Variants in SPG11 observed in about 807,000 individuals in gnomAD.
SPG11 encodes the protein spatacsin.
Under a neutral mutation model 274.0 loss-of-function variants are expected in SPG11, and 222 were observed. The ratio of observed to expected loss-of-function variants is 0.81; its 90% CI spans 0.73 to 0.91. SPG11 has a LOEUF of 0.91. Ranked by LOEUF, SPG11 falls within the 40% of genes least tolerant of loss-of-function variation. The pLI, the probability that SPG11 is intolerant of heterozygous loss-of-function variation, is 0.00. For synonymous variants in SPG11, 1,144 were observed against 1,039.7 expected (o/e 1.10, Z -1.93); for missense variants, 3,114 against 2,872.7 (o/e 1.08, Z -1.92).
chr15:44,634,190 A>G (rs916308352), intron 7 of SPG11, among the ~76,000 whole-genome samples: 3 of 152,156 alleles, frequency 2.0e-5, no homozygotes, highest in Non-Finnish European at 2.9e-5. Context: ...AAACCTTTTC[A>G]GCTCTACCAT....
intron 17 of SPG11, among the ~76,000 whole-genome samples, chr15:44,612,998 C>T (rs1390761766): frequency 6.6e-6 from 1 of 152,174 alleles, no homozygotes; most frequent in African/African-American, 2.4e-5. Context: ...AGCTCCACTG[C>T]AGAGGACACA....
At chr15:44,589,524 G>C (rs1399000720) in intron 27 of SPG11, 110 bp from the exon 28 acceptor site, 1 of 1,317,642 alleles carries the variant, frequency 7.6e-7, no homozygotes, top group East Asian at 2.4e-5. Context: ...AAAAGCCATC[G>C]CCTGTCATGA....
chr15:44,624,770 T>C (rs1595893737), intron 11 of SPG11, among the ~76,000 whole-genome samples: 2 of 152,204 alleles, frequency 1.3e-5, no homozygotes, highest in Non-Finnish European at 2.9e-5. Context: ...CAAAACATCA[T>C]ATTGTATACC....
At position 44,574,220 on chromosome 15, in the gene SPG11, T is replaced by A. The variant is rs532891594; in HGVS notation, c.6007-475A>T. On this transcript the variant is annotated intron_variant, in intron 31 of 39. Transcript: ENST00000261866. The stretch of plus-strand genomic sequence containing the variant: ...GGTTTCTCCATGTTGGTCAGGCTGG[T>A]CTCAAACTCCTGCCCTCAAGTAATC... Among the ~76,000 whole-genome samples, 14 of 152,342 alleles carry A rather than the reference T, an allele frequency of 9.2e-5. No individual in the cohort carries two copies. In the East Asian group the frequency reaches 2.7e-3, roughly 29 times the overall value.
chr15:44,646,178 C>T (rs748099630), intron 7 of SPG11, among the ~76,000 whole-genome samples: 1 of 152,162 alleles, frequency 6.6e-6, no homozygotes, highest in African/African-American at 2.4e-5. Context: ...CATACATGCA[C>T]ACATATATTC....
intron 17 of SPG11, among the ~76,000 whole-genome samples, chr15:44,611,781 T>C (rs954769480): frequency 2.0e-5 from 3 of 151,714 alleles, no homozygotes; most frequent in Non-Finnish European, 4.4e-5. Context: ...CAATGAAATA[T>C]TATGTAAACA....
In SPG11 at chr15:44,598,641, T is replaced by C. The variant is rs2083105150; in HGVS notation, c.3882A>G (p.Arg1294=). ...RNEDAQYSFI[R]ESVAEKLSKL... ...TAAAAGGTGCTGTACCTACAGACTC[T>C]CTGATAAAGCTGTACTGAGCATCTT... Residue 1294 remains arginine (R), a synonymous_variant, in exon 22 of 40, where the codon AGA becomes AGG. Coordinates refer to ENST00000261866, the MANE Select transcript of SPG11 (RefSeq NM_025137.4). The C allele has an allele frequency of 6.2e-6, 10 of 1,614,202 alleles. No individual in the cohort carries two copies. In the East Asian group the frequency reaches 2.2e-4, roughly 36 times the overall value.
At position 44,609,178 on chromosome 15, in the gene SPG11, C is replaced by A. The variant is rs200753439; in HGVS notation, c.3292-573G>T. 5.9e-5 allele frequency among the ~76,000 whole-genome samples: 9 copies of A among 152,214 alleles called. No individual in the cohort carries two copies. The East Asian group carries it at 1.2e-3, about 20-fold the overall frequency. The stretch of plus-strand genomic sequence containing the variant: ...CGGAGTCTCACTCTGTGGGCCCAGG[C>A]TGGAGTGCAATGGCGCGATCTCGGC... On this transcript the variant is annotated intron_variant, in intron 18 of 39. Transcript: ENST00000261866.
chr15:44,633,970 T>C (rs1238734752), intron 7 of SPG11, among the ~76,000 whole-genome samples: 1 of 151,998 alleles, frequency 6.6e-6, no homozygotes, highest in Non-Finnish European at 1.5e-5. Context: ...TCCCAAGTAG[T>C]TCGGATTACA....
chr15:44,607,142 C>A (rs2083341583), intron 19 of SPG11, among the ~76,000 whole-genome samples: 1 of 152,192 alleles, frequency 6.6e-6, no homozygotes, highest in Admixed American at 6.6e-5. Context: ...AGGGACACAG[C>A]AGATATATAT....
At chr15:44,639,320 C>T (rs1014132573) in intron 7 of SPG11, among the ~76,000 whole-genome samples, 1 of 151,250 alleles carries the variant, frequency 6.6e-6, no homozygotes, top group Non-Finnish European at 1.5e-5. Context: ...GATGGAGAGA[C>T]AGAGAGAGAG....
chr15:44,597,012 T>C, intron 23 of SPG11, 69 bp from the exon 24 acceptor site: 1 of 1,481,532 alleles, frequency 6.7e-7, no homozygotes, highest in Non-Finnish European at 9.3e-7. Flanking sequence ...TAGCTTTAGC[T>C]TGAACTGGAA....
At chr15:44,649,826 C>T (rs1309996145) in intron 6 of SPG11, among the ~76,000 whole-genome samples, 3 of 150,142 alleles carry the variant, frequency 2.0e-5, no homozygotes, top group African/African-American at 7.4e-5. Flanking sequence ...ACCTGGGAGG[C>T]GGAGGTTGCA....
intron 4 of SPG11, among the ~76,000 whole-genome samples, chr15:44,655,759 G>A (rs549869298): frequency 8.6e-5 from 13 of 151,990 alleles, no homozygotes; most frequent in Non-Finnish European, 1.5e-4. Context: ...TCGTGCAGGG[G>A]GTTGGCATCC....
At chr15:44,624,141 G>A (rs2083830544) in intron 11 of SPG11, among the ~76,000 whole-genome samples, 2 of 151,618 alleles carry the variant, frequency 1.3e-5, no homozygotes, top group Non-Finnish European at 2.9e-5. Flanking sequence ...CAGATGAATG[G>A]ATAAAGAAAA....
chr15:44,623,818 T>C (rs893268641), intron 11 of SPG11, among the ~76,000 whole-genome samples: 10 of 152,086 alleles, frequency 6.6e-5, no homozygotes, highest in Non-Finnish European at 1.0e-4. Flanking sequence ...TGGAATGCAG[T>C]GGTGTGATCT....
rs558222332 is a variant in SPG11 at position 44,650,792 on chromosome 15, G to A, written c.1456+699C>T. ...TGAGACGGAGTCTCACTGTCTCCCAGGCTGGAGGGCAGTGGTGCAATCTCG... is the reference window on the plus strand; with the variant it reads ...TGAGACGGAGTCTCACTGTCTCCCAAGCTGGAGGGCAGTGGTGCAATCTCG... On this transcript the variant is annotated intron_variant, in intron 6 of 39. Coordinates refer to ENST00000261866, the MANE Select transcript of SPG11 (RefSeq NM_025137.4). Among the ~76,000 whole-genome samples the A allele has an allele frequency of 4.6e-5, 7 of 152,090 alleles. No homozygotes were observed. The East Asian group carries it at 1.4e-3, about 29-fold the overall frequency.
intron 7 of SPG11, among the ~76,000 whole-genome samples, chr15:44,638,835 A>G (rs2084357849): frequency 6.6e-6 from 1 of 152,048 alleles, no homozygotes. Flanking sequence ...ACCTCTATTA[A>G]AAATACAAAA....
Position 44,569,494 on chromosome 15 carries a change from G to C in SPG11, c.6489C>G (p.Leu2163=). ...TCTCGTTGTACCTTCCAATGCCAGT[G>C]AGGAGCCGTACCTGTGAAGTGGGAG... The part of the protein sequence containing the change: ...SEEYGLVVRL[L]TGIGRYNEMT... The change falls in exon 35 of 40, where the codon CTC becomes CTG. Residue 2163 remains leucine (L), a synonymous_variant. Transcript: ENST00000261866. The C allele has an allele frequency of 6.3e-7, 1 of 1,590,852 alleles. No individual in the cohort carries two copies. Among genetic ancestry groups the C allele is most frequent in the Non-Finnish European group, 8.6e-7 (1 of 1,167,590 alleles).
Sources: gnomAD v4.1 joint callset for allele counts (sites outside exome capture counted in the v4.1 genomes callset) on GRCh38, gnomAD v4.1.1 for gene constraint, MANE v1.5 for transcripts, NCBI Gene and HGNC (gene_info 2026-07-23, HGNC 2026-07-21) for gene names.